TSPAN5: variants seen among roughly 807,000 people sequenced by gnomAD.
TSPAN5 encodes tetraspanin-5.
A neutral mutation model predicts 37.1 loss-of-function variants in TSPAN5; 10 were observed. That is an observed-to-expected ratio of 0.27 (90% CI 0.17 to 0.46). The LOEUF (loss-of-function observed/expected upper bound fraction) is 0.46. Among genes scored for constraint, TSPAN5 ranks in the 20% least tolerant of loss-of-function variants. The pLI, the probability that TSPAN5 is intolerant of heterozygous loss-of-function variation, is 1.00. For missense variants in TSPAN5, 195 were observed against 326.6 expected (o/e 0.60, Z 3.11); for synonymous variants, 110 against 118.9 (o/e 0.93, Z 0.48).
intron 1 of TSPAN5, among the ~76,000 whole-genome samples, chr4:98,570,296 C>G (rs1755091171): frequency 6.6e-6 from 1 of 151,950 alleles, no homozygotes; most frequent in Non-Finnish European, 1.5e-5. Context: ...GTAGAAACTC[C>G]CAAAAAAATA....
At chr4:98,518,191 C>A (rs1036036570) in intron 1 of TSPAN5, among the ~76,000 whole-genome samples, 1 of 151,692 alleles carries the variant, frequency 6.6e-6, no homozygotes, top group Admixed American at 6.6e-5. Flanking sequence ...CCACACCACA[C>A]CCAGTCTATC....
At chr4:98,623,809 T>C (rs920649900) in intron 1 of TSPAN5, among the ~76,000 whole-genome samples, 1 of 152,186 alleles carries the variant, frequency 6.6e-6, no homozygotes, top group Admixed American at 6.5e-5. Flanking sequence ...AGTGAGTTAC[T>C]TTATTTGAAA....
chr4:98,603,436 A>G (rs1279498515), intron 1 of TSPAN5, among the ~76,000 whole-genome samples: 1 of 152,242 alleles, frequency 6.6e-6, no homozygotes, highest in African/African-American at 2.4e-5. Flanking sequence ...TTTTGCTATC[A>G]AAACAAATCT....
chr4:98,566,817 C>A (rs1458512738), intron 1 of TSPAN5, among the ~76,000 whole-genome samples: 1 of 152,198 alleles, frequency 6.6e-6, no homozygotes, highest in Non-Finnish European at 1.5e-5. Context: ...GGTGCACAGC[C>A]CTTGGCAGGG....
intron 1 of TSPAN5, among the ~76,000 whole-genome samples, chr4:98,621,431 G>A (rs891491627): frequency 6.9e-6 from 1 of 144,448 alleles, no homozygotes; most frequent in African/African-American, 2.6e-5. Context: ...GCAGTGGCGC[G>A]ATCTCTGCTT....
chr4:98,479,499 T>C (rs1752787683), intron 4 of TSPAN5, among the ~76,000 whole-genome samples: 2 of 152,106 alleles, frequency 1.3e-5, no homozygotes, highest in South Asian at 4.2e-4. Context: ...ATCACCAAGA[T>C]TCCTATCCCA....
chr4:98,475,439 C>T (rs1752670227), intron 7 of TSPAN5, among the ~76,000 whole-genome samples: 1 of 152,176 alleles, frequency 6.6e-6, no homozygotes, highest in Admixed American at 6.5e-5. Context: ...CCTTCACTAG[C>T]ACTTTGGCAA....
chr4:98,533,939 T>TAAAAAAAAAAAAAAAC (rs1754165788), intron 1 of TSPAN5, among the ~76,000 whole-genome samples: 1 of 31,148 alleles, frequency 3.2e-5, no homozygotes, highest in African/African-American at 1.8e-4. Context: ...TTGTTGATCT[T>TAAAAAAAAAAAAAAAC]AAAAAAAAAA....
At chr4:98,502,981 G>A (rs973305188) in intron 2 of TSPAN5, among the ~76,000 whole-genome samples, 1 of 151,882 alleles carries the variant, frequency 6.6e-6, no homozygotes, top group Non-Finnish European at 1.5e-5. Flanking sequence ...CAAAAGGACA[G>A]TCTGCCTTAG....
intron 1 of TSPAN5, among the ~76,000 whole-genome samples, chr4:98,548,886 G>GGGGTGTGT (rs373285784): frequency 0.011 from 646 of 57,460 alleles, 2 homozygotes; most frequent in African/African-American, 0.018. Flanking sequence ...AGTATTCCAA[G>GGGGTGTGT]GTGTGTGTGT....
intron 1 of TSPAN5, among the ~76,000 whole-genome samples, chr4:98,643,363 A>G (rs1178021985): frequency 1.3e-5 from 2 of 152,178 alleles, no homozygotes; most frequent in East Asian, 3.8e-4. Context: ...ATGAAATCCC[A>G]TGACTCATTT....
chr4:98,534,159 A>C (rs898103112), intron 1 of TSPAN5, among the ~76,000 whole-genome samples: 1 of 152,118 alleles, frequency 6.6e-6, no homozygotes, highest in African/African-American at 2.4e-5. Flanking sequence ...ATTTAGTGCT[A>C]TAAATTTCCC....
At chr4:98,611,407 T>C (rs1166339818) in intron 1 of TSPAN5, among the ~76,000 whole-genome samples, 2 of 152,200 alleles carry the variant, frequency 1.3e-5, no homozygotes, top group Non-Finnish European at 2.9e-5. Context: ...AAGCAGCCTC[T>C]GTGAATGAAA....
intron 2 of TSPAN5, among the ~76,000 whole-genome samples, chr4:98,502,472 G>A (rs1307724999): frequency 6.6e-6 from 1 of 152,188 alleles, no homozygotes; most frequent in Non-Finnish European, 1.5e-5. Flanking sequence ...TATCCTGGAA[G>A]CCAAGTGAGG....
intron 1 of TSPAN5, among the ~76,000 whole-genome samples, chr4:98,642,429 A>AT (rs1392695538): frequency 6.6e-6 from 1 of 151,878 alleles, no homozygotes; most frequent in East Asian, 1.9e-4. Context: ...TAACCACAAA[A>AT]TTTTTTTTCT....
chr4:98,574,469 G>A (rs899543901), intron 1 of TSPAN5: 1 of 152,192 alleles, frequency 6.6e-6, no homozygotes, highest in Non-Finnish European at 1.5e-5. Flanking sequence ...TATGGCACTA[G>A]GTCTTACAAT....
At chr4:98,608,148 A>G (rs1228049616) in intron 1 of TSPAN5, among the ~76,000 whole-genome samples, 1 of 152,246 alleles carries the variant, frequency 6.6e-6, no homozygotes, top group Non-Finnish European at 1.5e-5. Context: ...GTGAACGAAC[A>G]AAGTATCTGT....
At chr4:98,574,092 G>C (rs1755182553) in intron 1 of TSPAN5, among the ~76,000 whole-genome samples, 2 of 152,330 alleles carry the variant, frequency 1.3e-5, no homozygotes, top group South Asian at 4.1e-4. Context: ...GCCTGGGAAA[G>C]TATTTGTTGA....
chr4:98,490,335 G>A (rs193245138), intron 2 of TSPAN5, among the ~76,000 whole-genome samples: 1 of 152,280 alleles, frequency 6.6e-6, no homozygotes, highest in East Asian at 1.9e-4. Flanking sequence ...CCAACTGTCA[G>A]GAGATTCCTA....
Sources: gnomAD v4.1 joint callset for allele counts (sites outside exome capture counted in the v4.1 genomes callset) on GRCh38, gnomAD v4.1.1 for gene constraint, MANE v1.5 for transcripts, NCBI Gene and HGNC (gene_info 2026-07-23, HGNC 2026-07-21) for gene names.